The following RTN1 variants were observed in gnomAD, a reference collection of about 807,000 sequenced individuals.
The protein encoded by RTN1 is reticulon-1.
RTN1 carries 25 observed loss-of-function variants against 65.5 expected under a neutral mutation model. That is an observed-to-expected ratio of 0.38 (90% confidence interval 0.28 to 0.53). RTN1 has a LOEUF of 0.53. Ranked by LOEUF, RTN1 falls within the 20% of genes least tolerant of loss-of-function variation. RTN1 has a pLI of 0.79. For synonymous variants in RTN1, 471 were observed against 447.6 expected (o/e 1.05, Z -0.66); for missense variants, 983 against 1,025.4 (o/e 0.96, Z 0.57).
In RTN1 at chr14:59,870,696, G is replaced by C. The variant is rs1022076855; in HGVS notation, c.-66C>G. ...GCAGAGGCTCGGTGGCTGCGCGGGCGCTCCCTGCTGCTGTCCCCGGAGGGA... is the reference window on the plus strand; with the variant it reads ...GCAGAGGCTCGGTGGCTGCGCGGGCCCTCCCTGCTGCTGTCCCCGGAGGGA... On this transcript the variant is annotated 5_prime_UTR_variant, in exon 1 of 9. Coordinates refer to ENST00000267484, the MANE Select transcript of RTN1 (RefSeq NM_021136.3). The surrounding 1 kb of genome is among the most constrained non-coding windows in gnomAD (Gnocchi z 5.1). 2.6e-4 allele frequency: 339 copies of C among 1,300,236 alleles called. No homozygotes were observed. Among genetic ancestry groups the C allele is most frequent in the Middle Eastern group, 1.8e-3 (6 of 3,408 alleles). 80.5% of individuals were successfully genotyped at this position (1,300,236 alleles called of 1,614,324 possible). A position where few individuals can be genotyped will look rare whatever the true frequency, so the allele number is the denominator to read the frequency against.
chr14:59,853,679 G>A (rs1481130974), intron 1 of RTN1, among the ~76,000 whole-genome samples: 1 of 152,010 alleles, frequency 6.6e-6, no homozygotes, highest in Non-Finnish European at 1.5e-5. Flanking sequence ...AGACTTAACA[G>A]TTATCATGTC....
At chr14:59,637,329 C>T (rs151010989) in intron 3 of RTN1, among the ~76,000 whole-genome samples, 1 of 152,180 alleles carries the variant, frequency 6.6e-6, no homozygotes, top group Admixed American at 6.5e-5. Flanking sequence ...TATCTTTGGG[C>T]TCTACTTCTA....
intron 3 of RTN1, among the ~76,000 whole-genome samples, chr14:59,719,497 A>G (rs978989983): frequency 6.6e-5 from 10 of 152,174 alleles, no homozygotes; most frequent in African/African-American, 1.9e-4. Context: ...TGTAAGCCCC[A>G]TGAGGGGTGG....
At chr14:59,729,403 AAAC>A (rs1203321615) in intron 2 of RTN1, among the ~76,000 whole-genome samples, 1 of 152,208 alleles carries the variant, frequency 6.6e-6, no homozygotes, top group African/African-American at 2.4e-5. Context: ...TAGTAACTTA[AAAC>A]AACAACTACT....
chr14:59,812,179 T>A (rs768494145), intron 1 of RTN1, among the ~76,000 whole-genome samples: 1 of 152,286 alleles, frequency 6.6e-6, no homozygotes, highest in Admixed American at 6.5e-5. Flanking sequence ...AGTTCTGCTA[T>A]CAAATAACAT....
At chr14:59,685,314 C>A (rs1436177563) in intron 3 of RTN1, among the ~76,000 whole-genome samples, 1 of 152,058 alleles carries the variant, frequency 6.6e-6, no homozygotes, top group Non-Finnish European at 1.5e-5. Context: ...AAGTTTGAGC[C>A]AGACCAATTA....
chr14:59,868,174 T>C lies in RTN1; in HGVS notation c.241+2216A>G, dbSNP rs1305701353. 1.3e-5 allele frequency among the ~76,000 whole-genome samples: 2 copies of C among 152,216 alleles called. No homozygotes were observed. Among genetic ancestry groups the C allele is most frequent in the Non-Finnish European group, 2.9e-5 (2 of 68,044 alleles). On this transcript the variant is annotated intron_variant, in intron 1 of 8. Transcript: ENST00000267484. This position sits in a 1 kb window ranked among gnomAD's most constrained non-coding sequence, Gnocchi z 4.0. Reference sequence around the variant, plus strand: ...TAGTTATTTATTTATACAGCATTTCTGGCGTTTGAGTCTCTTATAGCAGCA... The same window carrying C: ...TAGTTATTTATTTATACAGCATTTCCGGCGTTTGAGTCTCTTATAGCAGCA...
At chr14:59,688,462 AC>A (rs1883892760) in intron 3 of RTN1, among the ~76,000 whole-genome samples, 1 of 151,830 alleles carries the variant, frequency 6.6e-6, no homozygotes, top group Non-Finnish European at 1.5e-5. Context: ...GTCCAACCCC[AC>A]CCATTTGCCA....
intron 2 of RTN1, among the ~76,000 whole-genome samples, chr14:59,737,484 T>C (rs568038524): frequency 2.6e-5 from 4 of 152,202 alleles, no homozygotes; most frequent in African/African-American, 9.6e-5. Context: ...CAAGGGGAAC[T>C]ACAAACAACT....
chr14:59,770,092 T>C (rs886212328), intron 1 of RTN1, among the ~76,000 whole-genome samples: 1 of 151,760 alleles, frequency 6.6e-6, no homozygotes, highest in African/African-American at 2.4e-5. Context: ...ACATAGAACT[T>C]AGGGGCCAGG....
At chr14:59,702,502 T>C (rs1884200509) in intron 3 of RTN1, among the ~76,000 whole-genome samples, 1 of 152,218 alleles carries the variant, frequency 6.6e-6, no homozygotes, top group African/African-American at 2.4e-5. Flanking sequence ...GCAAGGCTTT[T>C]ACCCATCCAT....
chr14:59,616,681 T>C (rs112005758), intron 3 of RTN1, among the ~76,000 whole-genome samples: 9,187 of 152,290 alleles, frequency 0.06, 357 homozygotes, highest in Non-Finnish European at 0.087. Flanking sequence ...GTAGCTTTAA[T>C]AGTGGCTATA....
At chr14:59,630,906 G>A in intron 3 of RTN1, 7 of 938,222 alleles carry the variant, frequency 7.5e-6, no homozygotes, top group Non-Finnish European at 8.9e-6. Flanking sequence ...GAGGACTTGG[G>A]CTGTTCCTGG....
At position 59,780,740 on chromosome 14, in the gene RTN1, A is replaced by G. The variant is rs553894169; in HGVS notation, c.242-34259T>C. Reference sequence around the variant, plus strand: ...ACTGAGGAGGCTGTGGATTGCCACAACATAAGTTCATTTTGGTAGTAGTGA... The same window carrying G: ...ACTGAGGAGGCTGTGGATTGCCACAGCATAAGTTCATTTTGGTAGTAGTGA... On this transcript the variant is annotated intron_variant, in intron 1 of 8. Transcript: ENST00000267484. 3.9e-5 allele frequency among the ~76,000 whole-genome samples: 6 copies of G among 152,358 alleles called. 1 individual carries two copies. The highest frequency in any genetic ancestry group is 2.9e-5 in the Non-Finnish European group (2 of 68,034).
intron 3 of RTN1, among the ~76,000 whole-genome samples, chr14:59,656,711 C>A (rs1883129649): frequency 6.6e-6 from 1 of 152,194 alleles, no homozygotes; most frequent in Non-Finnish European, 1.5e-5. Flanking sequence ...TATTGCTGTC[C>A]CTTTCCTGGT....
At chr14:59,676,159 T>C (rs2140218482) in intron 3 of RTN1, among the ~76,000 whole-genome samples, 1 of 152,350 alleles carries the variant, frequency 6.6e-6, no homozygotes, top group African/African-American at 2.4e-5. Context: ...ATAAACCTTA[T>C]GCATCAAAGT....
intron 5 of RTN1, 50 bp downstream of exon 5, chr14:59,605,318 A>G: frequency 3.2e-6 from 5 of 1,572,680 alleles, no homozygotes; most frequent in Non-Finnish European, 3.5e-6. Flanking sequence ...TTACACCTTT[A>G]GGGAAAATAA....
At chr14:59,615,195 A>T (rs1882068867) in intron 3 of RTN1, among the ~76,000 whole-genome samples, 1 of 152,228 alleles carries the variant, frequency 6.6e-6, no homozygotes, top group Admixed American at 6.5e-5. Flanking sequence ...CATGCCTGTA[A>T]TCCCAGCACT....
chr14:59,750,185 A>ATATATATTATAGATAATATATATTATAT (rs1566713268), intron 1 of RTN1, among the ~76,000 whole-genome samples: 1 of 21,896 alleles, frequency 4.6e-5, no homozygotes, highest in Non-Finnish European at 6.8e-5. Context: ...AATATATAAT[A>ATATATATTATAGATAATATATATTATAT]CATATATTAT....
Sources: gnomAD v4.1 joint callset for allele counts (sites outside exome capture counted in the v4.1 genomes callset) on GRCh38, gnomAD v4.1.1 for gene constraint, Gnocchi (gnomAD v3.1) non-coding constraint, MANE v1.5 for transcripts, NCBI Gene and HGNC (gene_info 2026-07-23, HGNC 2026-07-21) for gene names.